PRAMEF1: variants seen among roughly 807,000 people sequenced by gnomAD.
PRAMEF1 encodes PRAME family member 1.
In PRAMEF1, 21 loss-of-function variants were observed where a neutral mutation model predicts 38.2. The observed-to-expected ratio is 0.55, with a 90% CI of 0.39 to 0.79. PRAMEF1 has a LOEUF of 0.79. Among genes scored for constraint, PRAMEF1 ranks in the 30% least tolerant of loss-of-function variants. PRAMEF1 has a pLI of 0.00. For synonymous variants in PRAMEF1, 200 were observed against 229.0 expected (o/e 0.87, Z 1.14); for missense variants, 497 against 565.8 (o/e 0.88, Z 1.23).
At chr1:12,792,527 A>C (rs925041650) in intron 1 of PRAMEF1, among the ~76,000 whole-genome samples, 3 of 151,162 alleles carry the variant, frequency 2.0e-5, no homozygotes, top group African/African-American at 7.3e-5. Flanking sequence ...AGTAGCTAGG[A>C]TTACAGTCAT....
rs745310162 is a variant in PRAMEF1, at chr1:12,794,008, G to C, written c.381G>C (p.Glu127Asp). Reference protein sequence around the residue: ...PGAWALSCFPETTSKRQTAED... With the variant: ...PGAWALSCFPDTTSKRQTAED... ...CCTGGGCCCTGTCCTGCTTCCCAGA[G>C]ACCACGAGTAAGAGGCAGACAGCAG... Residue 127 changes from glutamate to aspartate, a missense_variant, in exon 3 of 4, where the codon GAG becomes GAC. Coordinates refer to ENST00000332296, the MANE Select transcript of PRAMEF1 (RefSeq NM_023013.4). 1.9e-6 allele frequency: 3 copies of C among 1,608,146 alleles called. No homozygotes were observed. The highest frequency in any genetic ancestry group is 2.5e-6 in the Non-Finnish European group (3 of 1,177,794).
chr1:12,792,971 T>C (rs61613085), intron 1 of PRAMEF1, among the ~76,000 whole-genome samples: 3,072 of 151,118 alleles, frequency 0.02, 143 homozygotes, highest in African/African-American at 0.07. Context: ...TTTAGGGTGG[T>C]AAGTGACAAG....
At chr1:12,794,557 A>G in intron 3 of PRAMEF1, 64 bp downstream of exon 3, 3 of 1,583,508 alleles carry the variant, frequency 1.9e-6, no homozygotes, top group Admixed American at 1.7e-5. Context: ...AACAGCAAAC[A>G]TTAGAATGCA....
At position 12,795,605 on chromosome 1, in the gene PRAMEF1, A is replaced by G; in HGVS notation, c.1034A>G (p.Glu345Gly). The G allele has an allele frequency of 6.2e-7, 1 of 1,612,002 alleles. No homozygotes were observed. Among genetic ancestry groups the G allele is most frequent in the Non-Finnish European group, 8.5e-7 (1 of 1,179,770 alleles). The change falls in exon 4 of 4, where the codon GAG (glutamate) becomes GGG (glycine). Residue 345 changes from glutamate to glycine, a missense_variant. This residue lies in a region of PRAMEF1 where 470 missense variants were observed against 501.9 expected (regional missense o/e 0.94). Transcript: ENST00000332296. Reference sequence around the variant, plus strand: ...CTTGAACCCCTCGGAGCTCTGCTGGAGAAAATTGCTGCCTCTCTCAAAACC... The same window carrying G: ...CTTGAACCCCTCGGAGCTCTGCTGGGGAAAATTGCTGCCTCTCTCAAAACC... ...ISLEPLGALL[E>G]KIAASLKTLI...
At position 12,795,002 on chromosome 1, in the gene PRAMEF1, T is replaced by C. The variant is rs1267927244; in HGVS notation, c.867-436T>C. The C allele has an allele frequency of 3.1e-6, 4 of 1,307,298 alleles. 1 individual carries two copies. The highest frequency in any genetic ancestry group is 3.2e-4 in the Middle Eastern group (1 of 3,160). 81.0% of individuals were successfully genotyped at this position (1,307,298 alleles called of 1,614,324 possible). Reference sequence around the variant, plus strand: ...ACATGGGAAATGCGTGCTTCCGGGATGGAGGTGAGGGAGTAGGCGTGAGAG... The same window carrying C: ...ACATGGGAAATGCGTGCTTCCGGGACGGAGGTGAGGGAGTAGGCGTGAGAG... On this transcript the variant is annotated intron_variant, in intron 3 of 3. Transcript: ENST00000332296.
At chr1:12,792,857 G>T (rs2100296549) in intron 1 of PRAMEF1, among the ~76,000 whole-genome samples, 1 of 151,006 alleles carries the variant, frequency 6.6e-6, no homozygotes, top group South Asian at 2.1e-4. Flanking sequence ...AAAAAATAAT[G>T]GCATCGATTT....
At chr1:12,793,552 G>T (rs1639333943) in intron 2 of PRAMEF1, 38 bp downstream of exon 2, 2 of 1,584,022 alleles carry the variant, frequency 1.3e-6, no homozygotes, top group Admixed American at 1.7e-5. Flanking sequence ...TAGGGCTCAG[G>T]TGTCCAGGGA....
chr1:12,795,388 C>A (rs1639377127), intron 3 of PRAMEF1, 50 bp from the exon 4 acceptor site: 1 of 1,605,434 alleles, frequency 6.2e-7, no homozygotes, highest in African/African-American at 1.3e-5. Context: ...AAGGCACTAC[C>A]TTCATCTAAC....
chr1:12,796,170 C>T lies in PRAMEF1; in HGVS notation c.*174C>T. On this transcript the variant is annotated 3_prime_UTR_variant, in exon 4 of 4. Transcript: ENST00000332296. The stretch of plus-strand genomic sequence containing the variant: ...GAGACAGGGTTTCGCTGTGTTGCTC[C>T]AGCTGGTCTCAAACTGCTGGGCTTA... 2.4e-6 allele frequency: 3 copies of T among 1,266,602 alleles called. No individual in the cohort carries two copies. Among genetic ancestry groups the T allele is most frequent in the Non-Finnish European group, 3.2e-6 (3 of 945,520 alleles). The allele number at this position is 1,266,602 out of a possible 1,614,324, so 78.5% of individuals were successfully genotyped here.
chr1:12,792,787 T>C (rs1639315850), intron 1 of PRAMEF1, among the ~76,000 whole-genome samples: 1 of 150,660 alleles, frequency 6.6e-6, no homozygotes, highest in South Asian at 2.1e-4. Flanking sequence ...TCCAGCAGTG[T>C]TGGGATTACA....
intron 1 of PRAMEF1, among the ~76,000 whole-genome samples, chr1:12,792,599 C>T (rs12567807): frequency 0.084 from 12,651 of 151,258 alleles, 1,116 homozygotes; most frequent in East Asian, 0.21. Context: ...TTGTTTGAGT[C>T]AGAGTCCAAG....
Position 12,794,038 on chromosome 1 carries a change from C to T in PRAMEF1, c.411C>T (p.Asp137=). The T allele has an allele frequency of 6.2e-7, 1 of 1,608,960 alleles. No individual in the cohort carries two copies. Among genetic ancestry groups the T allele is most frequent in the Non-Finnish European group, 8.5e-7 (1 of 1,178,332 alleles). ...CGAGTAAGAGGCAGACAGCAGAGGACTGTCCAAGGATGGGAGAGCACCAGC... is the reference window on the plus strand; with the variant it reads ...CGAGTAAGAGGCAGACAGCAGAGGATTGTCCAAGGATGGGAGAGCACCAGC... The part of the protein sequence containing the change: ...ETTSKRQTAE[D]CPRMGEHQPL... Residue 137 remains aspartate (D), a synonymous_variant, in exon 3 of 4, where the codon GAC becomes GAT. Transcript: ENST00000332296.
At position 12,793,934 on chromosome 1, in the gene PRAMEF1, C is replaced by A. The variant is rs750559796; in HGVS notation, c.307C>A (p.Leu103Met). ...DRPRRWKLQV[L>M]DLRDVDENFW... ...CCACAGGAGGTGGAAACTTCAAGTG[C>A]TGGATTTGCGGGATGTTGACGAGAA... is the stretch of plus-strand genomic sequence containing the variant. The change falls in exon 3 of 4, where the codon CTG (leucine) becomes ATG (methionine). Residue 103 changes from leucine (L) to methionine (M), a missense_variant. By Grantham distance (15) the Leu-to-Met change is conservative. Around this residue, in one of 2 missense-constraint regions of PRAMEF1, gnomAD observed 470 missense variants for 501.9 expected, o/e 0.94. Transcript: ENST00000332296. 1 of 1,609,084 alleles carries A rather than the reference C, an allele frequency of 6.2e-7. No homozygotes were observed. Among genetic ancestry groups the A allele is most frequent in the Admixed American group, 1.7e-5 (1 of 59,734 alleles).
intron 2 of PRAMEF1, 44 bp from the exon 3 acceptor site, chr1:12,793,871 T>C (rs1639339189): frequency 6.3e-7 from 1 of 1,580,840 alleles, no homozygotes; most frequent in Non-Finnish European, 8.7e-7. Context: ...AGGTCAGGGA[T>C]GAGTCCTTCT....
intron 3 of PRAMEF1, 38 bp from the exon 4 acceptor site, chr1:12,795,400 G>A: frequency 6.2e-7 from 1 of 1,608,024 alleles, no homozygotes; most frequent in Non-Finnish European, 8.5e-7. Flanking sequence ...TCATCTAACT[G>A]GTATCACTGC....
rs1440279517 is a variant in PRAMEF1 at position 12,793,425 on chromosome 1, G to A, written c.198G>A (p.Leu66=). The change falls in exon 2 of 4, where the codon CTG becomes CTA. Residue 66 remains leucine (L), a synonymous_variant. Transcript: ENST00000332296. ...VQAWPFTCLP[L]GSLMKTLHLE... Reference sequence around the variant, plus strand: ...CCTGGCCCTTCACCTGCCTCCCTCTGGGATCACTGATGAAGACGCTTCATT... The same window carrying A: ...CCTGGCCCTTCACCTGCCTCCCTCTAGGATCACTGATGAAGACGCTTCATT... 79 of 1,610,028 alleles carry A rather than the reference G, an allele frequency of 4.9e-5. 2 individuals are homozygous for A. The highest frequency in any genetic ancestry group is 6.0e-5 in the Non-Finnish European group (71 of 1,177,926).
rs766663520 is a variant in PRAMEF1 at position 12,794,510 on chromosome 1, C to T, written c.866+17C>T. ...GCTGATCAGGTGAGAAAGGATCATGCACTTTGTATGCAGACCACAGCATAG... is the reference window on the plus strand; with the variant it reads ...GCTGATCAGGTGAGAAAGGATCATGTACTTTGTATGCAGACCACAGCATAG... On this transcript the variant is annotated intron_variant, in intron 3 of 3. Transcript: ENST00000332296. 17 of 1,609,036 alleles carry T rather than the reference C, an allele frequency of 1.1e-5. No homozygotes were observed. The highest frequency in any genetic ancestry group is 1.3e-5 in the Non-Finnish European group (15 of 1,177,144).
chr1:12,795,384 C>T, intron 3 of PRAMEF1, 54 bp from the exon 4 acceptor site: 1 of 1,595,506 alleles, frequency 6.3e-7, no homozygotes, highest in Non-Finnish European at 8.6e-7. Flanking sequence ...GATGAAGGCA[C>T]TACCTTCATC....
chr1:12,792,293 A>G (rs750998609), intron 1 of PRAMEF1, among the ~76,000 whole-genome samples: 8 of 151,298 alleles, frequency 5.3e-5, no homozygotes, highest in Admixed American at 1.3e-4. Context: ...AAGTGCTGGG[A>G]TTACATGAGT....
Sources: gnomAD v4.1 joint callset for allele counts (sites outside exome capture counted in the v4.1 genomes callset) on GRCh38, gnomAD v4.1.1 for gene constraint, gnomAD v4.1.1 regional missense constraint, MANE v1.5 for transcripts, NCBI Gene and HGNC (gene_info 2026-07-23, HGNC 2026-07-21) for gene names.